GRM8: variants seen among roughly 807,000 people sequenced by gnomAD.
GRM8 encodes metabotropic glutamate receptor 8.
Under a neutral mutation model 87.2 loss-of-function variants are expected in GRM8, and 47 were observed. The observed-to-expected ratio is 0.54, with a 90% CI of 0.43 to 0.69. The LOEUF is 0.69. Among genes scored for constraint, GRM8 ranks in the 30% least tolerant of loss-of-function variants. The pLI is 0.00. For synonymous variants in GRM8, 396 were observed against 404.5 expected (o/e 0.98, Z 0.25); for missense variants, 1,019 against 1,139.2 (o/e 0.89, Z 1.52).
intron 6 of GRM8, among the ~76,000 whole-genome samples, chr7:126,863,919 G>GT (rs1179588731): frequency 2.7e-5 from 4 of 148,670 alleles, no homozygotes; most frequent in Admixed American, 1.3e-4. Flanking sequence ...CTATACCACT[G>GT]TTTTTTCTTT....
chr7:126,550,503 C>G (rs770803332), intron 8 of GRM8, among the ~76,000 whole-genome samples: 2 of 152,002 alleles, frequency 1.3e-5, no homozygotes, highest in Admixed American at 6.6e-5. Flanking sequence ...TTTCTGATAA[C>G]TTTGTAGAAA....
At chr7:126,645,290 G>C (rs777180734) in intron 7 of GRM8, among the ~76,000 whole-genome samples, 2 of 152,180 alleles carry the variant, frequency 1.3e-5, no homozygotes, top group Non-Finnish European at 2.9e-5. Flanking sequence ...TGCTCCTATA[G>C]ATAACATCAT....
intron 6 of GRM8, among the ~76,000 whole-genome samples, chr7:126,864,850 C>G (rs1475520022): frequency 1.3e-5 from 2 of 152,080 alleles, no homozygotes; most frequent in Non-Finnish European, 2.9e-5. Context: ...GTCTCTTCTG[C>G]TGGGACCCCA....
intron 2 of GRM8, among the ~76,000 whole-genome samples, chr7:127,163,390 G>C (rs1793238950): frequency 6.6e-6 from 1 of 152,168 alleles, no homozygotes; most frequent in Non-Finnish European, 1.5e-5. Flanking sequence ...CTGTTTCTCT[G>C]CTGAAGGCCA....
chr7:127,209,676 G>A (rs1796108678), intron 2 of GRM8, among the ~76,000 whole-genome samples: 2 of 152,134 alleles, frequency 1.3e-5, no homozygotes, highest in Non-Finnish European at 2.9e-5. Context: ...AGAGATCCAG[G>A]TTCAGTCCTC....
intron 2 of GRM8, among the ~76,000 whole-genome samples, chr7:127,128,015 C>T (rs1253785837): frequency 3.9e-5 from 6 of 152,072 alleles, no homozygotes; most frequent in African/African-American, 1.4e-4. Context: ...GGCCTATGCC[C>T]CATTAGCTCT....
At chr7:126,945,144 A>G (rs1416842503) in intron 3 of GRM8, among the ~76,000 whole-genome samples, 2 of 152,226 alleles carry the variant, frequency 1.3e-5, no homozygotes, top group Admixed American at 6.5e-5. Context: ...ACAAAGGTAC[A>G]CAGGGAGCCA....
At chr7:126,626,779 G>A (rs1357658784) in intron 7 of GRM8, among the ~76,000 whole-genome samples, 1 of 152,108 alleles carries the variant, frequency 6.6e-6, no homozygotes, top group East Asian at 1.9e-4. Context: ...TAGCATTTGG[G>A]GAGGCTCAGG....
intron 3 of GRM8, among the ~76,000 whole-genome samples, chr7:126,991,270 T>C (rs1215043899): frequency 6.6e-6 from 1 of 152,126 alleles, no homozygotes; most frequent in Non-Finnish European, 1.5e-5. Flanking sequence ...TCTTTAATCA[T>C]TGAAGGAAAC....
chr7:127,240,230 A>G (rs1798208454), intron 2 of GRM8, among the ~76,000 whole-genome samples: 1 of 152,100 alleles, frequency 6.6e-6, no homozygotes. Flanking sequence ...GAGAAGAGAG[A>G]AGCCAGATCC....
At chr7:126,876,115 T>C (rs1181570640) in intron 6 of GRM8, among the ~76,000 whole-genome samples, 1 of 152,194 alleles carries the variant, frequency 6.6e-6, no homozygotes, top group Admixed American at 6.5e-5. Flanking sequence ...ATCTCCTCAA[T>C]GCTGAGCTGC....
chr7:126,823,444 C>A (rs768646207), intron 6 of GRM8, among the ~76,000 whole-genome samples: 1 of 152,192 alleles, frequency 6.6e-6, no homozygotes, highest in South Asian at 2.1e-4. Flanking sequence ...CCCTTCAATC[C>A]ATTCTTCTCT....
chr7:126,929,352 A>C (rs961126089), intron 3 of GRM8, among the ~76,000 whole-genome samples: 8 of 152,250 alleles, frequency 5.3e-5, no homozygotes, highest in African/African-American at 1.9e-4. Context: ...GACAGCAGCC[A>C]CTAGCGTCAT....
intron 3 of GRM8, among the ~76,000 whole-genome samples, chr7:126,960,136 A>C (rs908541781): frequency 6.6e-6 from 1 of 152,164 alleles, no homozygotes; most frequent in Non-Finnish European, 1.5e-5. Flanking sequence ...AACGACACTA[A>C]TCAATCTTCC....
At chr7:127,192,034 G>A (rs949190519) in intron 2 of GRM8, among the ~76,000 whole-genome samples, 6 of 151,818 alleles carry the variant, frequency 4.0e-5, no homozygotes, top group Admixed American at 2.6e-4. Flanking sequence ...GATGAAACAC[G>A]TTTCTCCCCT....
intron 3 of GRM8, among the ~76,000 whole-genome samples, chr7:127,029,265 C>A (rs1380836300): frequency 6.6e-6 from 1 of 152,090 alleles, no homozygotes; most frequent in Admixed American, 6.6e-5. Context: ...ATTATGTGGT[C>A]AATTTTAGAA....
At chr7:127,140,865 C>G (rs1411605407) in intron 2 of GRM8, among the ~76,000 whole-genome samples, 1 of 151,976 alleles carries the variant, frequency 6.6e-6, no homozygotes, top group African/African-American at 2.4e-5. Context: ...CTCCATTTAT[C>G]ACTCCATGTT....
chr7:126,904,478 A>G (rs1586398386), intron 4 of GRM8, 70 bp downstream of exon 4: 2 of 1,431,528 alleles, frequency 1.4e-6, no homozygotes, highest in East Asian at 4.6e-5. Flanking sequence ...TATGTTGAAC[A>G]TGAAATATGT....
chr7:126,701,922 C>T (rs1304934629), intron 7 of GRM8: 3 of 421,688 alleles, frequency 7.1e-6, no homozygotes, highest in African/African-American at 2.1e-5. Context: ...TGCCTTCTGT[C>T]TTAGTATAAT....
Sources: allele counts gnomAD v4.1 joint callset (sites outside exome capture counted in the v4.1 genomes callset), GRCh38; gene constraint gnomAD v4.1.1; transcripts MANE v1.5; gene names NCBI Gene and HGNC (gene_info 2026-07-23, HGNC 2026-07-21).